The following KLF12 variants were observed in gnomAD, a reference collection of about 807,000 sequenced individuals.
KLF12 encodes Krueppel-like factor 12.
Under a neutral mutation model 37.8 loss-of-function variants are expected in KLF12, and 9 were observed. The observed-to-expected ratio is 0.24, with a 90% CI of 0.14 to 0.42. The LOEUF (loss-of-function observed/expected upper bound fraction) is 0.42, where lower values mean the gene tolerates loss of function less well. Ranked by LOEUF, KLF12 falls within the 10% of genes least tolerant of loss-of-function variation. The pLI is 1.00. For synonymous variants in KLF12, 208 were observed against 202.1 expected, an observed-to-expected ratio of 1.03 and a Z score of -0.25; for missense variants, 411 against 516.0, an observed-to-expected ratio of 0.80 and a Z score of 1.97.
the KLF12 span, among the ~76,000 whole-genome samples, chr13:74,140,849 C>T: frequency 1.2e-3 from 188 of 152,218 alleles, 4 homozygotes; most frequent in South Asian, 0.037. Context: ...ATCAGGAGAT[C>T]GAGACCATCC....
In KLF12 at chr13:74,074,243, C is replaced by T. The variant is rs73531208; in HGVS notation, c.-32+59496G>A. ...TCTTTTTCGGTATGTCAAGTCAACT[C>T]TAAAACATCCAAGCAACTCTAGGGA... On this transcript the variant is annotated intron_variant, in intron 1 of 7. Transcript: ENST00000377669. 6.9e-3 allele frequency among the ~76,000 whole-genome samples: 1,043 copies of T among 152,254 alleles called. 10 individuals carry two copies. The highest frequency in any genetic ancestry group is 0.024 in the African/African-American group (986 of 41,542).
chr13:73,721,327 A>C (rs1044293585), intron 6 of KLF12, among the ~76,000 whole-genome samples: 6 of 151,976 alleles, frequency 3.9e-5, no homozygotes, highest in Admixed American at 1.3e-4. Context: ...ATATGATAGA[A>C]GGGGAAAAAG....
At chr13:74,250,677 G>A in the KLF12 span, among the ~76,000 whole-genome samples, 2 of 152,030 alleles carry the variant, frequency 1.3e-5, no homozygotes, top group Non-Finnish European at 2.9e-5. Flanking sequence ...GCCAATGACT[G>A]ATGGTCTTAT....
chr13:74,069,936 T>C lies in KLF12; in HGVS notation c.-32+63803A>G, dbSNP rs183227331. Among the ~76,000 whole-genome samples, 570 of 152,288 alleles carry C rather than the reference T, an allele frequency of 3.7e-3. 1 individual carries two copies. Among genetic ancestry groups the C allele is most frequent in the Non-Finnish European group, 7.1e-3 (486 of 68,024 alleles). ...GAACAAAGTTGTGAACATGATGAGT[T>C]TGAAATGCTATATATCCAAGAAAGA... On this transcript the variant is annotated intron_variant, in intron 1 of 7. Transcript: ENST00000377669.
At chr13:73,703,226 G>A (rs1874683743) in intron 7 of KLF12, among the ~76,000 whole-genome samples, 2 of 151,736 alleles carry the variant, frequency 1.3e-5, no homozygotes, top group Admixed American at 1.3e-4. Flanking sequence ...ACTCAATAAA[G>A]GATATTTTAT....
At chr13:74,034,491 T>A (rs936013237) in intron 1 of KLF12, among the ~76,000 whole-genome samples, 28 of 152,346 alleles carry the variant, frequency 1.8e-4, no homozygotes, top group African/African-American at 6.3e-4. Context: ...TCATATATGT[T>A]GTAAATGGTT....
At chr13:73,955,273 T>C (rs9318231) in intron 2 of KLF12, among the ~76,000 whole-genome samples, 111,160 of 152,110 alleles carry the variant, frequency 0.73, 41,333 homozygotes, top group East Asian at 0.89. Context: ...CTGATTTTCT[T>C]TGACTCTTTG....
At chr13:74,229,345 A>G in the KLF12 span, among the ~76,000 whole-genome samples, 1 of 152,230 alleles carries the variant, frequency 6.6e-6, no homozygotes, top group African/African-American at 2.4e-5. Flanking sequence ...AATCCTGGCC[A>G]AAAACAAGTC....
chr13:74,180,389 AG>A, the KLF12 span, among the ~76,000 whole-genome samples: 1 of 152,230 alleles, frequency 6.6e-6, no homozygotes, highest in Non-Finnish European at 1.5e-5. Flanking sequence ...TTCTAAATAA[AG>A]GCTCAGAAAT....
intron 1 of KLF12, among the ~76,000 whole-genome samples, chr13:74,080,285 G>GTTT (rs140594851): frequency 1.2e-4 from 18 of 149,366 alleles, no homozygotes; most frequent in African/African-American, 4.2e-4. Flanking sequence ...AAAAAAAGTT[G>GTTT]TTTTTTTTTT....
At chr13:73,968,191 C>T (rs1891226517) in intron 2 of KLF12, among the ~76,000 whole-genome samples, 1 of 152,172 alleles carries the variant, frequency 6.6e-6, no homozygotes, top group South Asian at 2.1e-4. Flanking sequence ...GCTTAATTTA[C>T]ATTTGCTGCT....
chr13:74,131,131 T>TA (rs1878242019), intron 1 of KLF12, among the ~76,000 whole-genome samples: 1 of 152,228 alleles, frequency 6.6e-6, no homozygotes, highest in South Asian at 2.1e-4. Context: ...TCTGCAGAGA[T>TA]AAAACACACC....
chr13:73,797,913 C>T lies in KLF12; in HGVS notation c.806+15239G>A, dbSNP rs74098405. On this transcript the variant is annotated intron_variant, in intron 5 of 7. Transcript: ENST00000377669. The stretch of plus-strand genomic sequence containing the variant: ...ACATCTGAACTACTTCAATAACTTC[C>T]GACACATTCTTCTTCCTGATTGTTT... Among the ~76,000 whole-genome samples the T allele has an allele frequency of 2.0e-3, 298 of 152,194 alleles. 4 individuals are homozygous for T. Among genetic ancestry groups the T allele is most frequent in the African/African-American group, 6.5e-3 (269 of 41,542 alleles).
chr13:74,076,058 T>C (rs7332378), intron 1 of KLF12, among the ~76,000 whole-genome samples: 3,941 of 152,268 alleles, frequency 0.026, 174 homozygotes, highest in African/African-American at 0.089. Context: ...TTTCTTATGT[T>C]CTAAAATTAA....
At chr13:74,004,977 A>C (rs1892374602) in intron 1 of KLF12, among the ~76,000 whole-genome samples, 2 of 152,282 alleles carry the variant, frequency 1.3e-5, no homozygotes, top group East Asian at 3.9e-4. Context: ...TTCACAAATC[A>C]ACTGCATTCT....
At chr13:73,840,900 T>A (rs1333273285) in intron 4 of KLF12, among the ~76,000 whole-genome samples, 1 of 152,014 alleles carries the variant, frequency 6.6e-6, no homozygotes, top group Non-Finnish European at 1.5e-5. Flanking sequence ...CCATACTCAC[T>A]CATGCCTCAG....
At chr13:74,230,661 G>A in the KLF12 span, among the ~76,000 whole-genome samples, 484 of 152,274 alleles carry the variant, frequency 3.2e-3, 16 homozygotes, top group East Asian at 0.073. Flanking sequence ...GTCTCCTCAC[G>A]TACTCGGGAT....
At chr13:73,948,400 G>T (rs1394087001) in intron 2 of KLF12, among the ~76,000 whole-genome samples, 2 of 152,032 alleles carry the variant, frequency 1.3e-5, no homozygotes, top group South Asian at 4.2e-4. Context: ...TCTATTTTTT[G>T]TAGAGACGGG....
chr13:73,711,664 G>A (rs2137654321), intron 7 of KLF12, among the ~76,000 whole-genome samples: 1 of 152,218 alleles, frequency 6.6e-6, no homozygotes, highest in East Asian at 1.9e-4. Context: ...CAATGCACCT[G>A]GTCACCCTAG....
Sources: allele counts gnomAD v4.1 joint callset (sites outside exome capture counted in the v4.1 genomes callset), GRCh38; gene constraint gnomAD v4.1.1; transcripts MANE v1.5; gene names NCBI Gene and HGNC (gene_info 2026-07-23, HGNC 2026-07-21).